The following UGT2A1 variants were observed in gnomAD, a reference collection of about 807,000 sequenced individuals.
UGT2A1 encodes UDP-glucuronosyltransferase 2A1.
Under a neutral mutation model 45.4 loss-of-function variants are expected in UGT2A1, and 61 were observed. That is an observed-to-expected ratio of 1.34 (90% CI 1.09 to 1.66). The LOEUF (loss-of-function observed/expected upper bound fraction) is 1.66, where lower values mean the gene tolerates loss of function less well. Ranked by LOEUF, UGT2A1 falls within the 40% of genes most tolerant of loss-of-function variation. The pLI is 0.00. For missense variants in UGT2A1, 649 were observed against 574.3 expected (o/e 1.13, Z -1.33); for synonymous variants, 229 against 196.2 (o/e 1.17, Z -1.40).
intron 3 of UGT2A1, among the ~76,000 whole-genome samples, chr4:69,628,389 A>G (rs1438604067): frequency 6.6e-6 from 1 of 151,950 alleles, no homozygotes; most frequent in East Asian, 1.9e-4. Flanking sequence ...TCCAAACAGT[A>G]TTAAAGCACA....
chr4:69,631,927 T>C (rs1289492266), intron 3 of UGT2A1, among the ~76,000 whole-genome samples: 1 of 152,120 alleles, frequency 6.6e-6, no homozygotes, highest in Non-Finnish European at 1.5e-5. Flanking sequence ...ACAGAAAATA[T>C]CTAGAAACAT....
Position 69,647,427 on chromosome 4 carries a change from AT to A in UGT2A1, c.217del (p.Ile73TyrfsTer11), listed in dbSNP as rs768558794. 1.2e-6 allele frequency: 2 copies of A among 1,612,790 alleles called. No homozygotes were observed. The highest frequency in any genetic ancestry group is 2.2e-5 in the South Asian group (2 of 90,938). On this transcript the variant is annotated frameshift_variant, in exon 2 of 7. Transcript: ENST00000286604. LOFTEE classifies it high-confidence loss of function. The stretch of plus-strand genomic sequence containing the variant: ...TTCTTTGCCAAAGGGCACCTTATAT[AT>A]TTCAAATGTCAGAGATGGGTTAGAG... ...PTSNPSLTFE[I>X]YKVPFGKERI...
intron 3 of UGT2A1, among the ~76,000 whole-genome samples, chr4:69,627,371 C>T (rs796974145): frequency 6.6e-6 from 1 of 151,710 alleles, no homozygotes; most frequent in East Asian, 1.9e-4. Flanking sequence ...TCACATACTA[C>T]ATTACTACAT....
chr4:69,611,477 T>G (rs532562784), intron 3 of UGT2A1, among the ~76,000 whole-genome samples: 2 of 152,036 alleles, frequency 1.3e-5, no homozygotes, highest in African/African-American at 4.8e-5. Flanking sequence ...ATGCACACAC[T>G]ATGACAAGGT....
chr4:69,601,984 C>A lies in UGT2A1; in HGVS notation c.848-2590G>T. Among the ~76,000 whole-genome samples, 2 of 136,322 alleles carry A rather than the reference C, an allele frequency of 1.5e-5. 1 individual carries two copies. Among genetic ancestry groups the A allele is most frequent in the Non-Finnish European group, 3.1e-5 (2 of 64,150 alleles). The allele number at this position is 136,322 out of a possible 152,430, so 89.4% of individuals were successfully genotyped here. On this transcript the variant is annotated intron_variant, in intron 3 of 6. Coordinates refer to ENST00000286604, the MANE Select transcript of UGT2A1 (RefSeq NM_001252275.3). ...AGACAACTTGAATAATTAATATAAT[C>A]AAGAAAAAGTATATTATTGAAATAG...
chr4:69,618,889 A>G (rs1355064725), intron 3 of UGT2A1, among the ~76,000 whole-genome samples: 1 of 151,970 alleles, frequency 6.6e-6, no homozygotes, highest in Non-Finnish European at 1.5e-5. Flanking sequence ...AAAATTTTCT[A>G]CTCAACATTG....
intron 6 of UGT2A1, 147 bp downstream of exon 6, chr4:69,594,330 A>AAATAAAGT: frequency 9.0e-7 from 1 of 1,109,620 alleles, no homozygotes; most frequent in Non-Finnish European, 1.2e-6. Flanking sequence ...TCACTTTAGC[A>AAATAAAGT]GTTTGGCAAA....
At chr4:69,598,851 C>T (rs1466480618) in intron 4 of UGT2A1, among the ~76,000 whole-genome samples, 1 of 152,070 alleles carries the variant, frequency 6.6e-6, no homozygotes. Context: ...AAATGGAATT[C>T]ACCCAACAGT....
chr4:69,609,659 T>G (rs1385914396), intron 3 of UGT2A1, among the ~76,000 whole-genome samples: 1 of 149,590 alleles, frequency 6.7e-6, no homozygotes, highest in Non-Finnish European at 1.5e-5. Context: ...TATTTATACC[T>G]ATACATATTT....
At chr4:69,632,898 A>C (rs1250165466) in intron 3 of UGT2A1, among the ~76,000 whole-genome samples, 3 of 152,032 alleles carry the variant, frequency 2.0e-5, no homozygotes, top group Non-Finnish European at 4.4e-5. Flanking sequence ...AAAAAAAAAA[A>C]AAAGTAACTA....
intron 2 of UGT2A1, chr4:69,639,391 G>A (rs1399702832): frequency 6.2e-7 from 1 of 1,613,516 alleles, no homozygotes. Flanking sequence ...TAGGAAACAG[G>A]TATCACTTCA....
chr4:69,647,753 T>C lies in UGT2A1; in HGVS notation c.-54-55A>G, dbSNP rs1722348624. The C allele has an allele frequency of 6.7e-6, 5 of 743,958 alleles. No homozygotes were observed. In the South Asian group the frequency reaches 1.1e-4, roughly 16 times the overall value. 46.1% of individuals were successfully genotyped at this position (743,958 alleles called of 1,614,324 possible). ...TATTTCTCAATTTTGAGGCAAACCA[T>C]TAATATCCTTAAAAGCCTTCTTTCT... is the stretch of plus-strand genomic sequence containing the variant. On this transcript the variant is annotated intron_variant, in intron 1 of 6. Transcript: ENST00000286604.
chr4:69,644,550 A>AT (rs911269184), intron 2 of UGT2A1, among the ~76,000 whole-genome samples: 13 of 151,408 alleles, frequency 8.6e-5, no homozygotes. Context: ...CAAAACTTCA[A>AT]TTTTTTTTCT....
At chr4:69,592,146 G>A (rs775173024) in intron 6 of UGT2A1, among the ~76,000 whole-genome samples, 3 of 152,088 alleles carry the variant, frequency 2.0e-5, no homozygotes, top group South Asian at 2.1e-4. Context: ...ATGTTTTTAA[G>A]CAGGTTACTT....
intron 3 of UGT2A1, among the ~76,000 whole-genome samples, chr4:69,621,889 A>G (rs181307724): frequency 6.6e-6 from 1 of 151,994 alleles, no homozygotes; most frequent in Admixed American, 6.6e-5. Flanking sequence ...CATTATTCTT[A>G]GCAAACTAAT....
At chr4:69,635,096 T>A (rs2109961904) in intron 3 of UGT2A1, among the ~76,000 whole-genome samples, 1 of 152,042 alleles carries the variant, frequency 6.6e-6, no homozygotes, top group East Asian at 1.9e-4. Flanking sequence ...TATACTACTA[T>A]GTACCCACAA....
chr4:69,621,900 G>A lies in UGT2A1; in HGVS notation c.847+13791C>T, dbSNP rs1002740227. Among the ~76,000 whole-genome samples, 9 of 151,736 alleles carry A rather than the reference G, an allele frequency of 5.9e-5. No homozygotes were observed. In the East Asian group the frequency reaches 1.4e-3, roughly 23 times the overall value. On this transcript the variant is annotated intron_variant, in intron 3 of 6. Transcript: ENST00000286604. ...GGGTCATTATTCTTAGCAAACTAAT[G>A]CAGACACAGAACACCAAATACCACA...
chr4:69,646,195 G>T (rs979312834), intron 2 of UGT2A1, among the ~76,000 whole-genome samples: 5 of 151,748 alleles, frequency 3.3e-5, no homozygotes, highest in African/African-American at 1.2e-4. Flanking sequence ...TAAAGAGTAA[G>T]AAATCTATAA....
intron 3 of UGT2A1, among the ~76,000 whole-genome samples, chr4:69,615,850 A>G (rs1250584174): frequency 2.0e-5 from 3 of 148,568 alleles, no homozygotes; most frequent in African/African-American, 7.4e-5. Flanking sequence ...AAGAGTGTGG[A>G]TATTTCTCAA....
Sources: gnomAD v4.1 joint callset for allele counts (sites outside exome capture counted in the v4.1 genomes callset) on GRCh38, gnomAD v4.1.1 for gene constraint, MANE v1.5 for transcripts, NCBI Gene and HGNC (gene_info 2026-07-23, HGNC 2026-07-21) for gene names.